Variants in CELF2 observed in about 807,000 individuals in gnomAD.
CELF2 encodes the protein CUG triplet repeat RNA-binding protein 2.
A neutral mutation model predicts 62.6 loss-of-function variants in CELF2; 8 were observed. That is an observed-to-expected ratio of 0.13 (90% confidence interval 0.07 to 0.23). CELF2 has a LOEUF of 0.23. Among genes scored for constraint, CELF2 ranks in the 10% least tolerant of loss-of-function variants. The pLI, the probability that CELF2 is intolerant of heterozygous loss-of-function variation, is 1.00. For synonymous variants in CELF2, 258 were observed against 250.0 expected (o/e 1.03, Z -0.30); for missense variants, 333 against 671.0 (o/e 0.50, Z 5.56).
At chr10:11,152,404 G>C (rs891906520) in intron 1 of CELF2, among the ~76,000 whole-genome samples, 1 of 151,586 alleles carries the variant, frequency 6.6e-6, no homozygotes, top group Non-Finnish European at 1.5e-5. Context: ...TCAGGAAACA[G>C]TTGTTAAATA....
intron 1 of CELF2, among the ~76,000 whole-genome samples, chr10:11,025,648 C>A (rs1438136987): frequency 2.0e-5 from 3 of 152,200 alleles, no homozygotes; most frequent in African/African-American, 7.2e-5. Context: ...TGAAAATGGA[C>A]TAATACAGCA....
At position 10,990,513 on chromosome 10, in the gene CELF2, A is replaced by G. The variant is rs998168894; in HGVS notation, c.89+70514A>G. 6.6e-5 allele frequency among the ~76,000 whole-genome samples: 10 copies of G among 152,158 alleles called. No individual in the cohort carries two copies. The highest frequency in any genetic ancestry group is 2.4e-4 in the African/African-American group (10 of 41,468). ...AATAAACGTTATTTTTAAGAGAATC[A>G]TGTTCTATGTCCAAATTATCACTAA... On this transcript the variant is annotated intron_variant, in intron 2 of 13. Coordinates refer to the CELF2 transcript ENST00000636488. The surrounding 1 kb of genome is among the most constrained non-coding windows in gnomAD (Gnocchi z 4.6).
At chr10:10,917,218 C>G (rs1006159900) in intron 1 of CELF2, among the ~76,000 whole-genome samples, 1 of 152,112 alleles carries the variant, frequency 6.6e-6, no homozygotes, top group African/African-American at 2.4e-5. Flanking sequence ...AAAGCAGGTG[C>G]TCTTAGAGGC....
Position 11,165,399 on chromosome 10 carries a change from CCTCCCCG to C in CELF2, c.75-80_75-74del. The C allele has an allele frequency of 6.5e-7, 1 of 1,532,350 alleles. No homozygotes were observed. The highest frequency in any genetic ancestry group is 8.8e-7 in the Non-Finnish European group (1 of 1,140,154). 94.9% of individuals were successfully genotyped at this position (1,532,350 alleles called of 1,614,324 possible). On this transcript the variant is annotated intron_variant, in intron 1 of 12. Transcript: ENST00000633077. This position sits in a 1 kb window ranked among gnomAD's most constrained non-coding sequence, Gnocchi z 7.4. ...ACTGCTCTTCTTCCTCCTCCTTCCG[CCTCCCCG>C]CTCCCCCACCCCCACTATTTTTTCT...
chr10:10,790,728 T>C, the CELF2 span, among the ~76,000 whole-genome samples: 4 of 152,184 alleles, frequency 2.6e-5, no homozygotes, highest in Non-Finnish European at 1.5e-5. Context: ...CCTTCTACCA[T>C]GTTCTATGAA....
intron 1 of CELF2, 55 bp downstream of exon 1, chr10:11,018,218 G>C (rs556380151): frequency 4.0e-5 from 58 of 1,454,404 alleles, no homozygotes; most frequent in East Asian, 2.8e-4. Context: ...TCCCAGAGTC[G>C]GCGGCGCGAA....
intron 1 of CELF2, chr10:10,846,266 C>T: frequency 4.3e-6 from 1 of 234,916 alleles, no homozygotes; most frequent in Non-Finnish European, 7.0e-6. Flanking sequence ...TTTCCAAGCT[C>T]CTTCTTGCTT....
chr10:11,196,826 G>A (rs1021114700), intron 2 of CELF2, among the ~76,000 whole-genome samples: 9 of 151,406 alleles, frequency 5.9e-5, no homozygotes, highest in African/African-American at 2.2e-4. Context: ...GCGTGGTGGC[G>A]CATGCGCTTG....
intron 9 of CELF2, among the ~76,000 whole-genome samples, chr10:11,293,106 G>A (rs138230803): frequency 2.6e-3 from 389 of 152,208 alleles, no homozygotes; most frequent in Middle Eastern, 6.8e-3. Context: ...GCACACACTC[G>A]CCCAGATCAG....
chr10:10,778,607 A>G, the CELF2 span, among the ~76,000 whole-genome samples: 1 of 152,194 alleles, frequency 6.6e-6, no homozygotes, highest in Non-Finnish European at 1.5e-5. Context: ...TCACCTGTTT[A>G]CGTGTTTGCC....
At chr10:11,158,642 A>G (rs888276382) in intron 1 of CELF2, among the ~76,000 whole-genome samples, 1 of 152,120 alleles carries the variant, frequency 6.6e-6, no homozygotes, top group Non-Finnish European at 1.5e-5. Flanking sequence ...GGGGTTCTCC[A>G]GCTTTGTGCC....
In CELF2 at chr10:11,219,893, T is replaced by C. The variant is rs143244954; in HGVS notation, c.354+2386T>C. Among the ~76,000 whole-genome samples the C allele has an allele frequency of 6.6e-5, 10 of 152,356 alleles. No individual in the cohort carries two copies. The East Asian group carries it at 1.7e-3, about 26-fold the overall frequency. ...ATATACACCTGTTTTCCCACTGTGATGTGAAGGCACAACTTAATTTAACAG... is the reference window on the plus strand; with the variant it reads ...ATATACACCTGTTTTCCCACTGTGACGTGAAGGCACAACTTAATTTAACAG... On this transcript the variant is annotated intron_variant, in intron 3 of 12. Transcript: ENST00000633077.
At chr10:10,991,527 G>A (rs1387617334) in intron 2 of CELF2, among the ~76,000 whole-genome samples, 1 of 152,110 alleles carries the variant, frequency 6.6e-6, no homozygotes, top group Non-Finnish European at 1.5e-5. Flanking sequence ...TGCATCCTGG[G>A]GGTGATAAAC....
chr10:11,221,891 A>G (rs2064980894), intron 3 of CELF2, among the ~76,000 whole-genome samples: 1 of 152,256 alleles, frequency 6.6e-6, no homozygotes, highest in African/African-American at 2.4e-5. Context: ...AAGATGTTTT[A>G]CAATAACCCA....
chr10:10,464,990 G>C, the CELF2 span, among the ~76,000 whole-genome samples: 68 of 152,216 alleles, frequency 4.5e-4, no homozygotes, highest in African/African-American at 1.6e-3. Flanking sequence ...TTCTGCATTT[G>C]CCATGAGCTC....
intron 1 of CELF2, among the ~76,000 whole-genome samples, chr10:11,138,555 G>T (rs1336548788): frequency 1.3e-5 from 2 of 152,186 alleles, no homozygotes; most frequent in Non-Finnish European, 1.5e-5. Flanking sequence ...ACTCTGCTGG[G>T]TGCTATGGTG....
In CELF2 at chr10:11,227,164, C is replaced by T. The variant is rs1245541402; in HGVS notation, c.354+9657C>T. Among the ~76,000 whole-genome samples the T allele has an allele frequency of 6.6e-6, 1 of 152,248 alleles. No individual in the cohort carries two copies. Among genetic ancestry groups the T allele is most frequent in the Non-Finnish European group, 1.5e-5 (1 of 68,042 alleles). ...GAAACAAACGGAAACCTCAACCTGC[C>T]TGCCATCATCACACCCTCCTGCCCT... On this transcript the variant is annotated intron_variant, in intron 3 of 12. Coordinates refer to ENST00000633077, the MANE Select transcript of CELF2 (RefSeq NM_001326342.2). The surrounding 1 kb of genome is among the most constrained non-coding windows in gnomAD (Gnocchi z 4.8).
intron 2 of CELF2, among the ~76,000 whole-genome samples, chr10:11,175,897 G>T (rs2070903320): frequency 6.6e-6 from 1 of 152,196 alleles, no homozygotes; most frequent in South Asian, 2.1e-4. Context: ...CTTTGCCCCA[G>T]AAGGAGAGAA....
intron 1 of CELF2, among the ~76,000 whole-genome samples, chr10:11,032,663 G>C (rs61830392): frequency 6.6e-6 from 1 of 151,966 alleles, no homozygotes; most frequent in Non-Finnish European, 1.5e-5. Flanking sequence ...CCAGGCCCCA[G>C]TAGAGTCCAA....
Sources: gnomAD v4.1 joint callset for allele counts (sites outside exome capture counted in the v4.1 genomes callset) on GRCh38, gnomAD v4.1.1 for gene constraint, Gnocchi (gnomAD v3.1) non-coding constraint, MANE v1.5 for transcripts, NCBI Gene and HGNC (gene_info 2026-07-23, HGNC 2026-07-21) for gene names.